EHBP1: variants seen among roughly 807,000 people sequenced by gnomAD.
EHBP1 encodes EH domain-binding protein 1.
A neutral mutation model predicts 144.0 loss-of-function variants in EHBP1; 55 were observed. The observed-to-expected ratio is 0.38, with a 90% CI of 0.31 to 0.48. The LOEUF (loss-of-function observed/expected upper bound fraction) is 0.48, where lower values mean the gene tolerates loss of function less well. Among genes scored for constraint, EHBP1 ranks in the 20% least tolerant of loss-of-function variants. The pLI is 0.98. For missense variants in EHBP1, 1,200 were observed against 1,364.2 expected, an observed-to-expected ratio of 0.88 and a Z score of 1.90; for synonymous variants, 469 against 472.7, an observed-to-expected ratio of 0.99 and a Z score of 0.10.
At chr2:62,999,015 T>C (rs1424511847) in intron 19 of EHBP1, among the ~76,000 whole-genome samples, 1 of 152,200 alleles carries the variant, frequency 6.6e-6, no homozygotes, top group Non-Finnish European at 1.5e-5. Flanking sequence ...TTTTTATTTA[T>C]TATAATACCT....
At chr2:62,882,719 C>T (rs1321317510) in intron 10 of EHBP1, among the ~76,000 whole-genome samples, 1 of 152,080 alleles carries the variant, frequency 6.6e-6, no homozygotes, top group East Asian at 1.9e-4. Flanking sequence ...CTCGTCTCTA[C>T]TAAAAATACA....
chr2:62,858,523 T>C (rs577620757), intron 7 of EHBP1: 3 of 1,567,730 alleles, frequency 1.9e-6, no homozygotes, highest in African/African-American at 2.7e-5. Flanking sequence ...CTAAGAGCTT[T>C]CCTCCTTTCT....
At chr2:62,715,023 A>T (rs1385545083) in intron 2 of EHBP1, among the ~76,000 whole-genome samples, 1 of 152,234 alleles carries the variant, frequency 6.6e-6, no homozygotes, top group East Asian at 1.9e-4. Context: ...TAATTTCTCC[A>T]AAGTAGAATT....
At chr2:62,920,206 CAA>C (rs1034861363) in intron 10 of EHBP1, among the ~76,000 whole-genome samples, 11 of 152,184 alleles carry the variant, frequency 7.2e-5, no homozygotes, top group South Asian at 2.1e-4. Flanking sequence ...TGTTGAATGA[CAA>C]AGAGAATTTT....
intron 10 of EHBP1, among the ~76,000 whole-genome samples, chr2:62,875,210 G>C (rs539756079): frequency 1.3e-5 from 2 of 152,134 alleles, no homozygotes; most frequent in Non-Finnish European, 2.9e-5. Context: ...CTGCCACCCC[G>C]ATGAAATGCT....
At chr2:62,771,586 CTG>C in intron 5 of EHBP1, 194 bp downstream of exon 5, 1 of 446,448 alleles carries the variant, frequency 2.2e-6, no homozygotes. Flanking sequence ...TTTATTAACA[CTG>C]TAAGTCTTCA....
intron 1 of EHBP1, among the ~76,000 whole-genome samples, chr2:62,685,806 G>A (rs1038959847): frequency 1.3e-5 from 2 of 152,020 alleles, no homozygotes; most frequent in South Asian, 2.1e-4. Context: ...GAGGGGGTAG[G>A]TTTCAGAATT....
chr2:62,738,360 T>A (rs774748998), intron 2 of EHBP1, among the ~76,000 whole-genome samples: 8 of 152,176 alleles, frequency 5.3e-5, no homozygotes, highest in Admixed American at 3.3e-4. Flanking sequence ...TAACATTTTT[T>A]AAAAATTTCC....
upstream of EHBP1, among the ~76,000 whole-genome samples, chr2:62,702,010 C>A (rs928036457): frequency 4.6e-5 from 7 of 152,036 alleles, no homozygotes; most frequent in African/African-American, 1.7e-4. Flanking sequence ...ACTGTAAAAC[C>A]CAAAGATAAG....
intron 5 of EHBP1, among the ~76,000 whole-genome samples, chr2:62,803,926 GC>G (rs35432380): frequency 0.34 from 52,365 of 151,902 alleles, 9,095 homozygotes; most frequent in Middle Eastern, 0.54. Context: ...ATCGTTTTGT[GC>G]CCAGTTTTCT....
intron 3 of EHBP1, among the ~76,000 whole-genome samples, chr2:62,748,138 G>A (rs2039329504): frequency 6.6e-6 from 1 of 152,018 alleles, no homozygotes; most frequent in Non-Finnish European, 1.5e-5. Flanking sequence ...GATTAAACAG[G>A]TACCACTTAC....
At chr2:62,855,860 A>G (rs2049011243) in intron 7 of EHBP1, among the ~76,000 whole-genome samples, 1 of 152,122 alleles carries the variant, frequency 6.6e-6, no homozygotes, top group African/African-American at 2.4e-5. Flanking sequence ...GCTGAGAGCT[A>G]GAAAGACAAT....
At chr2:62,694,742 A>C (rs1200269892) in intron 1 of EHBP1, among the ~76,000 whole-genome samples, 1 of 151,914 alleles carries the variant, frequency 6.6e-6, no homozygotes, top group African/African-American at 2.4e-5. Flanking sequence ...AAATGAAGCA[A>C]CTCTCTCTGC....
chr2:62,811,157 ATTCT>A (rs2152532569), intron 5 of EHBP1, among the ~76,000 whole-genome samples: 2 of 152,254 alleles, frequency 1.3e-5, no homozygotes, highest in South Asian at 2.1e-4. Context: ...TTTAATGTTG[ATTCT>A]TTCTCTTTTA....
At chr2:62,958,723 A>T (rs780405963) in intron 14 of EHBP1, among the ~76,000 whole-genome samples, 3 of 152,252 alleles carry the variant, frequency 2.0e-5, no homozygotes, top group Non-Finnish European at 4.4e-5. Flanking sequence ...CAAAAGTTTT[A>T]AAATATTTAC....
At chr2:62,755,157 C>T (rs1394927065) in intron 3 of EHBP1, among the ~76,000 whole-genome samples, 5 of 152,146 alleles carry the variant, frequency 3.3e-5, no homozygotes, top group African/African-American at 1.2e-4. Flanking sequence ...TTTTGTTCCT[C>T]TTCTAGGCAG....
At chr2:62,781,322 AT>A (rs1393551460) in intron 5 of EHBP1, among the ~76,000 whole-genome samples, 1 of 152,084 alleles carries the variant, frequency 6.6e-6, no homozygotes, top group Non-Finnish European at 1.5e-5. Context: ...GATGTTTATA[AT>A]TTTTTATTTT....
intron 5 of EHBP1, among the ~76,000 whole-genome samples, chr2:62,784,275 T>G (rs895875690): frequency 1.3e-5 from 2 of 152,212 alleles, no homozygotes; most frequent in Non-Finnish European, 2.9e-5. Context: ...CTTTTCAAAC[T>G]GAAGAAGAGA....
At chr2:62,760,270 A>C (rs185973297) in intron 3 of EHBP1, among the ~76,000 whole-genome samples, 3 of 152,284 alleles carry the variant, frequency 2.0e-5, no homozygotes, top group African/African-American at 7.2e-5. Context: ...ATTGTCAGCT[A>C]TTTAGCTAGA....
Sources: allele counts gnomAD v4.1 joint callset (sites outside exome capture counted in the v4.1 genomes callset), GRCh38; gene constraint gnomAD v4.1.1; transcripts MANE v1.5; gene names NCBI Gene and HGNC (gene_info 2026-07-23, HGNC 2026-07-21).